Variants in COG5 observed in about 807,000 individuals in gnomAD.
COG5 encodes component of oligomeric golgi complex 5.
COG5 carries 86 observed loss-of-function variants against 110.4 expected under a neutral mutation model. That is an observed-to-expected ratio of 0.78 (90% CI 0.65 to 0.93). The LOEUF (loss-of-function observed/expected upper bound fraction) is 0.93. COG5 is among the 40% of genes least tolerant of loss of function. COG5 has a pLI of 0.00. For missense variants in COG5, 1,077 were observed against 987.0 expected (o/e 1.09, Z -1.22); for synonymous variants, 360 against 334.6 (o/e 1.08, Z -0.83).
At chr7:107,510,543 C>T (rs149289487) in intron 6 of COG5, among the ~76,000 whole-genome samples, 2,468 of 152,230 alleles carry the variant, frequency 0.016, 72 homozygotes, top group African/African-American at 0.054. Context: ...CTGCACCAAG[C>T]GGACCTAATA....
chr7:107,453,157 T>C (rs1366545178), intron 6 of COG5, among the ~76,000 whole-genome samples: 5 of 152,320 alleles, frequency 3.3e-5, no homozygotes, highest in Admixed American at 6.5e-5. Context: ...GACCTTCCTA[T>C]GGTGATTTTC....
At chr7:107,234,624 G>A (rs562241278) in intron 18 of COG5, among the ~76,000 whole-genome samples, 3 of 152,260 alleles carry the variant, frequency 2.0e-5, no homozygotes, top group African/African-American at 7.2e-5. Flanking sequence ...TTGAAGTGCT[G>A]CCTCCAGGAA....
rs1036157457 is a variant in COG5 at position 107,474,906 on chromosome 7, T to C, written c.538+52331A>G. ...GCAGTGGTGGGAGAAATGTAGTCTT[T>C]GGTGTAAGAACTTCAGTTTCTGTAA... is the stretch of plus-strand genomic sequence containing the variant. On this transcript the variant is annotated intron_variant, in intron 6 of 21. Transcript: ENST00000297135. This position sits in a 1 kb window ranked among gnomAD's most constrained non-coding sequence, Gnocchi z 5.7. 1 of 1,613,274 alleles carries C rather than the reference T, an allele frequency of 6.2e-7. No individual in the cohort carries two copies. The highest frequency in any genetic ancestry group is 2.2e-5 in the East Asian group (1 of 44,824).
intron 10 of COG5, among the ~76,000 whole-genome samples, chr7:107,351,491 G>A (rs1045730265): frequency 6.6e-5 from 10 of 152,096 alleles, no homozygotes; most frequent in Non-Finnish European, 1.0e-4. Flanking sequence ...CTTCTGCACA[G>A]CAAAAGAAAC....
At chr7:107,305,314 C>G (rs898315352) in intron 11 of COG5, among the ~76,000 whole-genome samples, 3 of 152,168 alleles carry the variant, frequency 2.0e-5, no homozygotes, top group Non-Finnish European at 2.9e-5. Flanking sequence ...TGTGAGCAGG[C>G]TGCTACCCAT....
At chr7:107,423,045 G>A (rs1031238195) in intron 6 of COG5, among the ~76,000 whole-genome samples, 1 of 144,104 alleles carries the variant, frequency 6.9e-6, no homozygotes, top group Non-Finnish European at 1.5e-5. Flanking sequence ...GAAGATTGAT[G>A]CTTCAGAAAG....
intron 6 of COG5, among the ~76,000 whole-genome samples, chr7:107,445,725 G>A (rs1018896314): frequency 3.9e-5 from 6 of 152,092 alleles, no homozygotes; most frequent in Admixed American, 3.3e-4. Flanking sequence ...AATGGTATAC[G>A]ATGAAAAGCA....
intron 7 of COG5, among the ~76,000 whole-genome samples, chr7:107,376,275 A>G (rs945268073): frequency 2.0e-5 from 3 of 152,030 alleles, no homozygotes; most frequent in Non-Finnish European, 4.4e-5. Context: ...TGACACTTCC[A>G]TATAAATTTC....
At chr7:107,234,943 A>G (rs765287182) in intron 18 of COG5, among the ~76,000 whole-genome samples, 31 of 152,198 alleles carry the variant, frequency 2.0e-4, no homozygotes, top group Non-Finnish European at 4.1e-4. Context: ...CCTAAGAATG[A>G]AGTTCATAAA....
chr7:107,255,443 G>A (rs1196942229), intron 16 of COG5, among the ~76,000 whole-genome samples: 1 of 152,068 alleles, frequency 6.6e-6, no homozygotes, highest in Non-Finnish European at 1.5e-5. Flanking sequence ...TTTGGTGCCT[G>A]TTAAATCCTC....
chr7:107,460,419 T>A (rs990767318), intron 6 of COG5, among the ~76,000 whole-genome samples: 1 of 151,910 alleles, frequency 6.6e-6, no homozygotes, highest in Non-Finnish European at 1.5e-5. Flanking sequence ...CAACATACTT[T>A]GAAATAACCC....
rs946384915 is a variant in COG5, at chr7:107,546,428, G to GT, written c.417+1682dup. Among the ~76,000 whole-genome samples the GT allele has an allele frequency of 1.3e-3, 155 of 117,104 alleles. 1 individual carries two copies. Among genetic ancestry groups the GT allele is most frequent in the Non-Finnish European group, 2.5e-3 (131 of 51,492 alleles). 76.8% of individuals were successfully genotyped at this position (117,104 alleles called of 152,430 possible). The stretch of plus-strand genomic sequence containing the variant: ...TAATAAAACCAAGAGTTGTGTTTTG[G>GT]TTTTTTGTTTTTTTTTTTTTTTTTT... On this transcript the variant is annotated intron_variant, in intron 5 of 21. Coordinates refer to ENST00000297135, the MANE Select transcript of COG5 (RefSeq NM_006348.5).
intron 6 of COG5, among the ~76,000 whole-genome samples, chr7:107,454,496 G>C (rs1193138464): frequency 6.6e-6 from 1 of 152,072 alleles, no homozygotes; most frequent in Non-Finnish European, 1.5e-5. Context: ...ATTCTTTAAA[G>C]TATTTTTTAT....
At chr7:107,288,907 GATATATATATATATATATATATATAT>G (rs60313728) in intron 12 of COG5, among the ~76,000 whole-genome samples, 2,653 of 94,162 alleles carry the variant, frequency 0.028, 120 homozygotes, top group African/African-American at 0.07. Context: ...TTCTAACAGA[GATATATATATATATATATATATATAT>G]ATATATATAT....
At chr7:107,444,175 C>G (rs747106905) in intron 6 of COG5, among the ~76,000 whole-genome samples, 3 of 152,158 alleles carry the variant, frequency 2.0e-5, no homozygotes, top group Non-Finnish European at 4.4e-5. Flanking sequence ...ATGTCCCTCT[C>G]AGTTCTATAA....
intron 1 of COG5, among the ~76,000 whole-genome samples, chr7:107,562,870 G>T (rs1042130488): frequency 6.6e-6 from 1 of 152,296 alleles, no homozygotes; most frequent in South Asian, 2.1e-4. Flanking sequence ...TAACTGCGAT[G>T]ATGAATTTAA....
intron 17 of COG5, among the ~76,000 whole-genome samples, chr7:107,241,491 C>T (rs1379449803): frequency 6.6e-6 from 1 of 150,690 alleles, no homozygotes; most frequent in Non-Finnish European, 1.5e-5. Flanking sequence ...CTCACTCTAT[C>T]GCCCAGGCTG....
chr7:107,296,314 G>A (rs1246895062), intron 12 of COG5, among the ~76,000 whole-genome samples: 1 of 151,874 alleles, frequency 6.6e-6, no homozygotes, highest in Non-Finnish European at 1.5e-5. Context: ...TATATTTCTA[G>A]ACCTTTTTTA....
chr7:107,520,746 T>C (rs577462823), intron 6 of COG5, among the ~76,000 whole-genome samples: 42 of 152,332 alleles, frequency 2.8e-4, no homozygotes, highest in Non-Finnish European at 4.9e-4. Flanking sequence ...TTCAATGCTA[T>C]TCCTATCAAA....
Sources: allele counts gnomAD v4.1 joint callset (sites outside exome capture counted in the v4.1 genomes callset), GRCh38; gene constraint gnomAD v4.1.1; non-coding constraint Gnocchi (gnomAD v3.1); transcripts MANE v1.5; gene names NCBI Gene and HGNC (gene_info 2026-07-23, HGNC 2026-07-21).